The following SRRM3 variants were observed in gnomAD, a reference collection of about 807,000 sequenced individuals.
The protein encoded by SRRM3 is serine/arginine repetitive matrix 3.
SRRM3 carries 27 observed loss-of-function variants against 66.2 expected under a neutral mutation model. The ratio of observed to expected loss-of-function variants is 0.41; its 90% CI spans 0.30 to 0.56. SRRM3 has a LOEUF of 0.56. Ranked by LOEUF, SRRM3 falls within the 20% of genes least tolerant of loss-of-function variation. The probability of loss-of-function intolerance (pLI) is 0.32; values close to 1 mark genes in which losing one functional copy is unlikely to be tolerated. For synonymous variants in SRRM3, 391 were observed against 414.9 expected (o/e 0.94, Z 0.70); for missense variants, 918 against 991.9 (o/e 0.93, Z 1.00).
At chr7:76,255,921 C>T (rs192304133) in intron 3 of SRRM3, among the ~76,000 whole-genome samples, 70 of 152,266 alleles carry the variant, frequency 4.6e-4, no homozygotes, top group African/African-American at 1.6e-3. Context: ...GTAGCAGCAA[C>T]GGCCCCTCTG....
At chr7:76,273,426 G>A (rs1332123351) in intron 11 of SRRM3, 1 of 152,178 alleles carries the variant, frequency 6.6e-6, no homozygotes, top group African/African-American at 2.4e-5. Flanking sequence ...GGCCGTGCAA[G>A]AGCCCCCTCC....
intron 1 of SRRM3, among the ~76,000 whole-genome samples, chr7:76,224,571 C>T (rs376983951): frequency 6.6e-6 from 1 of 152,130 alleles, no homozygotes; most frequent in African/African-American, 2.4e-5. Flanking sequence ...AATGAATGAT[C>T]CCACTAAGCT....
At chr7:76,266,172 T>TTA (rs1439071006) in intron 10 of SRRM3, among the ~76,000 whole-genome samples, 1 of 101,470 alleles carries the variant, frequency 9.9e-6, no homozygotes, top group Non-Finnish European at 1.7e-5. Context: ...CCGGCCTTAT[T>TTA]TATATATTTA....
chr7:76,262,197 GT>G (rs1269885300), intron 8 of SRRM3, among the ~76,000 whole-genome samples: 1 of 151,986 alleles, frequency 6.6e-6, no homozygotes, highest in Non-Finnish European at 1.5e-5. Context: ...GGAGAAGAGG[GT>G]TGCTGAGAAA....
intron 1 of SRRM3, among the ~76,000 whole-genome samples, chr7:76,232,739 G>A (rs73138072): frequency 0.044 from 6,647 of 152,260 alleles, 198 homozygotes; most frequent in Non-Finnish European, 0.067. Flanking sequence ...GTGTGGTGCG[G>A]AGTGGTGGAG....
rs1802648704 is a variant in SRRM3, at chr7:76,285,701, A to ACAGCCG, written c.1826_1831dup (p.Arg609_Ser610dup). 6.4e-7 allele frequency: 1 copy of ACAGCCG among 1,550,946 alleles called. No homozygotes were observed. The highest frequency in any genetic ancestry group is 8.7e-7 in the Non-Finnish European group (1 of 1,146,920). Reference sequence around the variant, plus strand: ...AGCAGCGACTACTCGACCCGGAGCCACAGCCGCAGCCCCAGCCCCGGCCAC... The same window carrying ACAGCCG: ...AGCAGCGACTACTCGACCCGGAGCCACAGCCGCAGCCGCAGCCCCAGCCCCGGCCAC... On this transcript the variant is annotated inframe_insertion, in exon 15 of 15. Transcript: ENST00000611745. This position sits in a 1 kb window ranked among gnomAD's most constrained non-coding sequence, Gnocchi z 4.1.
At chr7:76,257,489 A>C (rs1299337821) in intron 3 of SRRM3, among the ~76,000 whole-genome samples, 1 of 149,390 alleles carries the variant, frequency 6.7e-6, no homozygotes, top group Admixed American at 6.7e-5. Context: ...GGTGGCTCAC[A>C]CCTATAATCC....
intron 1 of SRRM3, among the ~76,000 whole-genome samples, chr7:76,232,860 G>A (rs1004718310): frequency 6.6e-6 from 1 of 152,058 alleles, no homozygotes; most frequent in African/African-American, 2.4e-5. Context: ...TCCTGGACCC[G>A]TCTGCCAAGT....
chr7:76,285,254 G>A lies in SRRM3; in HGVS notation c.1734-361G>A. ...AATGTTTGTATTTTTAGTAGAGACA[G>A]GGTTTCATTATGTTGGCCAGACTGG... is the stretch of plus-strand genomic sequence containing the variant. On this transcript the variant is annotated intron_variant, in intron 14 of 14. Coordinates refer to ENST00000611745, the MANE Select transcript of SRRM3 (RefSeq NM_001110199.3). This position sits in a 1 kb window ranked among gnomAD's most constrained non-coding sequence, Gnocchi z 4.1. 4.1e-6 allele frequency: 1 copy of A among 242,090 alleles called. No individual in the cohort carries two copies. The highest frequency in any genetic ancestry group is 8.2e-6 in the Non-Finnish European group (1 of 122,092). 15.0% of individuals were successfully genotyped at this position (242,090 alleles called of 1,614,324 possible).
rs557349130 is a variant in SRRM3 at position 76,214,507 on chromosome 7, G to A, written c.-40+12440G>A. ...AAGCTGTGCTCCTCAGAGTTGAAGT[G>A]TGTGACTGGTGCCGGGCAGGGGAGT... On this transcript the variant is annotated intron_variant, in intron 1 of 14. Transcript: ENST00000611745. Among the ~76,000 whole-genome samples the A allele has an allele frequency of 2.0e-5, 3 of 152,292 alleles. No individual in the cohort carries two copies. In the East Asian group the frequency reaches 5.8e-4, roughly 29 times the overall value.
chr7:76,262,697 T>A (rs1554608939), intron 8 of SRRM3, among the ~76,000 whole-genome samples: 3 of 151,886 alleles, frequency 2.0e-5, no homozygotes, highest in Non-Finnish European at 4.4e-5. Flanking sequence ...GTGCCTGTAA[T>A]CCCAGCTACT....
intron 9 of SRRM3, 29 bp downstream of exon 9, chr7:76,264,844 C>G (rs952326668): frequency 1.2e-6 from 2 of 1,611,574 alleles, no homozygotes; most frequent in Admixed American, 1.7e-5. Flanking sequence ...CTCCAGCCCC[C>G]CATTCGTTCT....
intron 14 of SRRM3, chr7:76,283,532 T>G (rs1554612330): frequency 2.2e-6 from 1 of 447,442 alleles, no homozygotes; most frequent in Non-Finnish European, 4.4e-6. Flanking sequence ...AGGTCCAGCC[T>G]GCTGAGTGGC....
Position 76,285,615 on chromosome 7 carries a change from C to T in SRRM3, c.1734C>T (p.Ser578=), listed in dbSNP as rs781962505. The T allele has an allele frequency of 3.2e-4, 501 of 1,547,690 alleles. No individual in the cohort carries two copies. The highest frequency in any genetic ancestry group is 4.2e-4 in the Non-Finnish European group (476 of 1,145,086). ...PSFMEPRRIT[S]ARKRPIPYYR... ...GTAATCAGCTTTTTCTTCCCGGCAGCGCCCGCAAGCGTCCTATTCCATACT... is the reference window on the plus strand; with the variant it reads ...GTAATCAGCTTTTTCTTCCCGGCAGTGCCCGCAAGCGTCCTATTCCATACT... The change falls in exon 15 of 15, where the codon AGC becomes AGT. Residue 578 remains serine (S), a splice_region_variant and synonymous_variant. Transcript: ENST00000611745. The surrounding 1 kb of genome is among the most constrained non-coding windows in gnomAD (Gnocchi z 4.1).
intron 1 of SRRM3, among the ~76,000 whole-genome samples, chr7:76,225,399 TG>T (rs1554603630): frequency 2.0e-5 from 3 of 152,008 alleles, no homozygotes; most frequent in African/African-American, 7.2e-5. Flanking sequence ...ACATTACCTC[TG>T]GGGAGGCATG....
At position 76,282,673 on chromosome 7, in the gene SRRM3, C is replaced by T. The variant is rs1554612126; in HGVS notation, c.1396C>T (p.Arg466Trp). 3 of 1,405,714 alleles carry T rather than the reference C, an allele frequency of 2.1e-6. No individual in the cohort carries two copies. The highest frequency in any genetic ancestry group is 1.5e-5 in the South Asian group (1 of 65,180). The allele number at this position is 1,405,714 out of a possible 1,614,324, so 87.1% of individuals were successfully genotyped here. A position where few individuals can be genotyped will look rare whatever the true frequency, so the allele number is the denominator to read the frequency against. Residue 466 changes from arginine to tryptophan, a missense_variant, in exon 13 of 15, where the codon CGG becomes TGG. Coordinates refer to ENST00000611745, the MANE Select transcript of SRRM3 (RefSeq NM_001110199.3). Reference protein sequence around the residue: ...KRAKERPPRARPASTSPSPGA... With the variant: ...KRAKERPPRAWPASTSPSPGA... Reference sequence around the variant, plus strand: ...GGCCAAGGAGCGGCCCCCGCGCGCGCGGCCCGCCAGCACCTCTCCGTCCCC... The same window carrying T: ...GGCCAAGGAGCGGCCCCCGCGCGCGTGGCCCGCCAGCACCTCTCCGTCCCC...
chr7:76,209,583 G>A (rs1046232005), intron 1 of SRRM3, among the ~76,000 whole-genome samples: 1 of 151,440 alleles, frequency 6.6e-6, no homozygotes. Context: ...CAGTGGGAGT[G>A]GTTGGCCTTG....
chr7:76,273,634 C>G (rs1802266048), intron 11 of SRRM3: 1 of 152,254 alleles, frequency 6.6e-6, no homozygotes, highest in African/African-American at 2.4e-5. Context: ...TCGCTCCCAT[C>G]TCCAGATAAG....
chr7:76,220,671 G>A (rs1295191819), intron 1 of SRRM3, among the ~76,000 whole-genome samples: 1 of 152,180 alleles, frequency 6.6e-6, no homozygotes, highest in Non-Finnish European at 1.5e-5. Flanking sequence ...AGACTGAAAA[G>A]GGGAGGGCAG....
Sources: gnomAD v4.1 joint callset for allele counts (sites outside exome capture counted in the v4.1 genomes callset) on GRCh38, gnomAD v4.1.1 for gene constraint, Gnocchi (gnomAD v3.1) non-coding constraint, MANE v1.5 for transcripts, NCBI Gene and HGNC (gene_info 2026-07-23, HGNC 2026-07-21) for gene names.